Variants in ROBO2 observed in about 807,000 individuals in gnomAD.
ROBO2 encodes the protein roundabout homolog 2.
ROBO2 carries 53 observed loss-of-function variants against 160.8 expected under a neutral mutation model. The observed-to-expected ratio is 0.33, with a 90% CI of 0.26 to 0.41. The LOEUF is 0.41. Among genes scored for constraint, ROBO2 ranks in the 10% least tolerant of loss-of-function variants. The probability of loss-of-function intolerance (pLI) is 1.00; values close to 1 mark genes in which losing one functional copy is unlikely to be tolerated. For synonymous variants in ROBO2, 664 were observed against 611.7 expected (o/e 1.09, Z -1.26); for missense variants, 1,577 against 1,722.4 (o/e 0.92, Z 1.49).
At chr3:77,418,134 T>C (rs1420401893) in intron 2 of ROBO2, among the ~76,000 whole-genome samples, 1 of 146,212 alleles carries the variant, frequency 6.8e-6, no homozygotes, top group Non-Finnish European at 1.5e-5. Flanking sequence ...AGTAACATCC[T>C]TATATTTTTT....
intron 8 of ROBO2, among the ~76,000 whole-genome samples, chr3:77,553,477 GC>G (rs2092996068): frequency 6.6e-6 from 1 of 151,922 alleles, no homozygotes; most frequent in South Asian, 2.1e-4. Flanking sequence ...AGCTACAAAG[GC>G]TTAAGTTTAG....
chr3:76,292,049 G>A (rs570834795), intron 2 of ROBO2, among the ~76,000 whole-genome samples: 1 of 151,976 alleles, frequency 6.6e-6, no homozygotes. Flanking sequence ...GTCTATTCAG[G>A]TCCCAAATAT....
intron 2 of ROBO2, among the ~76,000 whole-genome samples, chr3:75,985,777 C>T (rs1222976651): frequency 6.6e-6 from 1 of 151,560 alleles, no homozygotes; most frequent in African/African-American, 2.4e-5. Context: ...TTCTAAGAAC[C>T]TCATATAAAT....
chr3:75,908,093 A>G (rs1946429158), intron 1 of ROBO2, among the ~76,000 whole-genome samples: 2 of 152,144 alleles, frequency 1.3e-5, no homozygotes, highest in African/African-American at 4.8e-5. Context: ...GTGGGCATAC[A>G]GTTAGTCACA....
intron 2 of ROBO2, among the ~76,000 whole-genome samples, chr3:76,438,610 G>A (rs1456529895): frequency 2.6e-5 from 4 of 151,918 alleles, no homozygotes; most frequent in Admixed American, 2.6e-4. Context: ...AAATTAGTTT[G>A]AAAGATTAAA....
At chr3:77,542,298 A>AC (rs2092500621) in intron 6 of ROBO2, among the ~76,000 whole-genome samples, 1 of 52,014 alleles carries the variant, frequency 1.9e-5, no homozygotes, top group Non-Finnish European at 4.1e-5. Context: ...GTCCACCTTC[A>AC]GGTGATAATA....
At chr3:76,074,612 G>A (rs1266703268) in intron 2 of ROBO2, among the ~76,000 whole-genome samples, 1 of 152,140 alleles carries the variant, frequency 6.6e-6, no homozygotes, top group East Asian at 1.9e-4. Context: ...GGAATTAAAT[G>A]AAGTTAAACT....
rs539741024 is a variant in ROBO2 at position 76,228,815 on chromosome 3, T to C, written c.109+291213T>C. On this transcript the variant is annotated intron_variant, in intron 2 of 26. Coordinates refer to the ROBO2 transcript ENST00000487694. ...TGGATAAACAAATGTTGATTTCATT[T>C]CCATGAAATTGGAAAATATTTGGTT... 8.9e-3 allele frequency among the ~76,000 whole-genome samples: 1,349 copies of C among 152,288 alleles called. 14 individuals are homozygous for C. Among genetic ancestry groups the C allele is most frequent in the African/African-American group, 0.028 (1,156 of 41,552 alleles).
intron 2 of ROBO2, among the ~76,000 whole-genome samples, chr3:76,339,649 G>A (rs531240544): frequency 3.3e-4 from 50 of 152,068 alleles, no homozygotes; most frequent in Admixed American, 7.9e-4. Context: ...TGGAATCTGC[G>A]TCATTTTTAT....
intron 2 of ROBO2, among the ~76,000 whole-genome samples, chr3:76,999,206 G>A (rs989889353): frequency 1.3e-5 from 2 of 151,654 alleles, no homozygotes; most frequent in African/African-American, 4.8e-5. Context: ...CTATTAATAA[G>A]TAAATAGATT....
chr3:76,777,555 C>CT (rs959495366), intron 2 of ROBO2, among the ~76,000 whole-genome samples: 99 of 143,454 alleles, frequency 6.9e-4, no homozygotes, highest in African/African-American at 1.5e-3. Context: ...TTTTTTCTTT[C>CT]TTTTTTTTTT....
chr3:77,369,603 A>G (rs1484960320), intron 2 of ROBO2, among the ~76,000 whole-genome samples: 1 of 152,178 alleles, frequency 6.6e-6, no homozygotes, highest in African/African-American at 2.4e-5. Flanking sequence ...TGGATCCCAT[A>G]GAACCATGCT....
intron 2 of ROBO2, among the ~76,000 whole-genome samples, chr3:77,234,444 C>T (rs984380319): frequency 6.6e-6 from 1 of 152,098 alleles, no homozygotes; most frequent in African/African-American, 2.4e-5. Flanking sequence ...CAAGATTACA[C>T]CACAGTCGTT....
intron 2 of ROBO2, among the ~76,000 whole-genome samples, chr3:77,388,193 A>G (rs1227746249): frequency 6.6e-6 from 1 of 151,854 alleles, no homozygotes; most frequent in African/African-American, 2.4e-5. Context: ...TTGTAAAGGT[A>G]CTATTTTGTT....
At chr3:77,577,547 C>G in exon 15 of ROBO2, 1 of 1,613,336 alleles carries the variant, frequency 6.2e-7, no homozygotes, top group Non-Finnish European at 8.5e-7. Context: ...TACAATAGCA[C>G]AAGTATTAGT....
rs1322699599 is a variant in ROBO2, at chr3:76,348,206, C to CA, written c.109+410604_109+410605insA. On this transcript the variant is annotated intron_variant, in intron 2 of 26. Coordinates refer to the ROBO2 transcript ENST00000487694. ...CTGTCCGCCATCATTCCACAGTCTC[C>CA]CACAGTCAGTATCAGTCTTCATAAG... Among the ~76,000 whole-genome samples the CA allele has an allele frequency of 5.3e-5, 8 of 151,512 alleles. No individual in the cohort carries two copies. In the Admixed American group the frequency reaches 5.4e-4, roughly 10 times the overall value.
intron 2 of ROBO2, among the ~76,000 whole-genome samples, chr3:76,856,680 A>C (rs1260983873): frequency 6.6e-6 from 1 of 152,294 alleles, no homozygotes; most frequent in South Asian, 2.1e-4. Context: ...TTCATTCCCA[A>C]CAAGTTCTCA....
chr3:76,003,732 T>C (rs1000247079), intron 2 of ROBO2, among the ~76,000 whole-genome samples: 2 of 152,212 alleles, frequency 1.3e-5, no homozygotes, highest in African/African-American at 4.8e-5. Context: ...AGTGTTGGAA[T>C]TTTAGCATTT....
chr3:76,534,108 G>A (rs2082368160), intron 2 of ROBO2, among the ~76,000 whole-genome samples: 2 of 152,058 alleles, frequency 1.3e-5, no homozygotes, highest in South Asian at 4.1e-4. Flanking sequence ...AATTCCTTCT[G>A]GGGAGTTTTT....
Sources: gnomAD v4.1 joint callset for allele counts (sites outside exome capture counted in the v4.1 genomes callset) on GRCh38, gnomAD v4.1.1 for gene constraint, MANE v1.5 for transcripts, NCBI Gene and HGNC (gene_info 2026-07-23, HGNC 2026-07-21) for gene names.